Variants in WDFY4 observed in about 807,000 individuals in gnomAD.
WDFY4 encodes WDFY family member 4.
A neutral mutation model predicts 351.9 loss-of-function variants in WDFY4; 169 were observed. The observed-to-expected ratio is 0.48, with a 90% CI of 0.42 to 0.55. The LOEUF is 0.55. Ranked by LOEUF, WDFY4 falls within the 20% of genes least tolerant of loss-of-function variation. The pLI is 0.00. For synonymous variants in WDFY4, 1,622 were observed against 1,574.6 expected, an observed-to-expected ratio of 1.03 and a Z score of -0.71; for missense variants, 3,803 against 3,935.6, an observed-to-expected ratio of 0.97 and a Z score of 0.90.
intron 2 of WDFY4, among the ~76,000 whole-genome samples, chr10:48,712,500 A>T (rs1351916984): frequency 1.3e-5 from 2 of 152,200 alleles, no homozygotes; most frequent in Non-Finnish European, 2.9e-5. Context: ...AATTTTCTTA[A>T]TATCTGTATT....
chr10:48,918,626 G>C (rs1377919232), intron 47 of WDFY4, among the ~76,000 whole-genome samples: 1 of 152,132 alleles, frequency 6.6e-6, no homozygotes, highest in Non-Finnish European at 1.5e-5. Context: ...ATTAGAATTG[G>C]AGACATCAAT....
intron 43 of WDFY4, among the ~76,000 whole-genome samples, chr10:48,880,967 C>T (rs554613676): frequency 2.2e-4 from 33 of 152,312 alleles, no homozygotes; most frequent in African/African-American, 7.7e-4. Flanking sequence ...AATTCTAATT[C>T]TCTTGCCTCC....
rs1286755825 is a variant in WDFY4, at chr10:48,966,898, GTCTT to G, written c.8584+229_8584+232del. On this transcript the variant is annotated intron_variant, in intron 55 of 61. Transcript: ENST00000325239. ...AACTTCTGAAGACCCACGTCTCTCT[GTCTT>G]TCTGTCTGTCTCTCTCACACACATA... The G allele has an allele frequency of 1.9e-5, 11 of 566,666 alleles. No homozygotes were observed. The African/African-American group carries it at 2.1e-4, about 11-fold the overall frequency. The allele number at this position is 566,666 out of a possible 1,614,324, so 35.1% of individuals were successfully genotyped here.
intron 7 of WDFY4, among the ~76,000 whole-genome samples, chr10:48,728,684 C>A (rs892979092): frequency 5.3e-5 from 8 of 152,242 alleles, no homozygotes; most frequent in African/African-American, 1.9e-4. Flanking sequence ...AGTGTAAATG[C>A]CCCTCTGGGC....
intron 44 of WDFY4, among the ~76,000 whole-genome samples, chr10:48,893,197 A>C (rs1428702284): frequency 6.6e-6 from 1 of 152,172 alleles, no homozygotes; most frequent in African/African-American, 2.4e-5. Context: ...GTATCTTCAC[A>C]TCATCTTCCC....
intron 39 of WDFY4, among the ~76,000 whole-genome samples, chr10:48,849,394 A>ATCAG (rs2068883155): frequency 1.3e-5 from 2 of 152,340 alleles, no homozygotes; most frequent in South Asian, 4.1e-4. Context: ...TTGTACATCA[A>ATCAG]TCAGTCTTTC....
intron 50 of WDFY4, 42 bp downstream of exon 50, chr10:48,946,199 C>A: frequency 7.1e-7 from 1 of 1,411,548 alleles, no homozygotes; most frequent in South Asian, 1.3e-5. Flanking sequence ...TGTTATTCAT[C>A]GGGATGCCCT....
chr10:48,780,211 G>GTTTT, intron 19 of WDFY4, 92 bp downstream of exon 19: 2 of 1,451,594 alleles, frequency 1.4e-6, no homozygotes, highest in Non-Finnish European at 1.9e-6. Flanking sequence ...TGTTTTTGTT[G>GTTTT]TTGTTTGTTT....
chr10:48,707,662 G>C (rs1337871814), intron 1 of WDFY4, among the ~76,000 whole-genome samples: 4 of 152,206 alleles, frequency 2.6e-5, no homozygotes, highest in African/African-American at 9.6e-5. Context: ...AAGAGTAAGA[G>C]CAGAAAAGAT....
At chr10:48,749,554 A>G (rs1188080082) in intron 12 of WDFY4, among the ~76,000 whole-genome samples, 1 of 152,106 alleles carries the variant, frequency 6.6e-6, no homozygotes, top group African/African-American at 2.4e-5. Flanking sequence ...TCCACACTAC[A>G]TACACACACC....
Position 48,946,153 on chromosome 10 carries a change from T to C in WDFY4, c.7863T>C (p.Thr2621=). The C allele has an allele frequency of 6.5e-7, 1 of 1,546,180 alleles. No individual in the cohort carries two copies. Among genetic ancestry groups the C allele is most frequent in the East Asian group, 2.5e-5 (1 of 40,730 alleles). The part of the protein sequence containing the change: ...FIQRFKEVEK[T]EGDMTVQCHY... ...AGAGGTTTAAAGAAGTTGAGAAAACTGAAGGTGAGTAGATCCAGCTTGATT... is the reference window on the plus strand; with the variant it reads ...AGAGGTTTAAAGAAGTTGAGAAAACCGAAGGTGAGTAGATCCAGCTTGATT... The change falls in exon 50 of 62, where the codon ACT becomes ACC. Residue 2621 remains threonine, a synonymous_variant. Coordinates refer to ENST00000325239, the MANE Select transcript of WDFY4 (RefSeq NM_001394531.1).
intron 39 of WDFY4, among the ~76,000 whole-genome samples, chr10:48,833,440 GGA>G (rs923966090): frequency 1.3e-5 from 2 of 151,958 alleles, no homozygotes; most frequent in African/African-American, 4.8e-5. Context: ...AAAAGATAAT[GGA>G]GAGAGAGAGC....
chr10:48,849,828 C>G (rs1015742559), intron 39 of WDFY4, among the ~76,000 whole-genome samples: 1 of 152,122 alleles, frequency 6.6e-6, no homozygotes, highest in Non-Finnish European at 1.5e-5. Context: ...ATCTGCTAAC[C>G]CAGAATTCAA....
intron 47 of WDFY4, among the ~76,000 whole-genome samples, chr10:48,903,385 GA>G (rs1837458069): frequency 6.6e-6 from 1 of 152,208 alleles, no homozygotes; most frequent in African/African-American, 2.4e-5. Context: ...GAATAGACTG[GA>G]GTGGGTCAAA....
chr10:48,977,106 G>A lies in WDFY4; in HGVS notation c.9291+127G>A, dbSNP rs552218392. 1.4e-4 allele frequency: 129 copies of A among 913,930 alleles called. No homozygotes were observed. In the South Asian group the frequency reaches 5.2e-3, roughly 37 times the overall value. 56.6% of individuals were successfully genotyped at this position (913,930 alleles called of 1,614,324 possible). A position where few individuals can be genotyped will look rare whatever the true frequency, so the allele number is the denominator to read the frequency against. On this transcript the variant is annotated intron_variant, in intron 59 of 61. Coordinates refer to ENST00000325239, the MANE Select transcript of WDFY4 (RefSeq NM_001394531.1). ...GACCATTCCAGAACGGGTACCTACA[G>A]CAAAGGAAGGGAAAAGACAAGGCTC...
At chr10:48,820,133 A>G (rs2067766402) in intron 32 of WDFY4, 101 bp from the exon 33 acceptor site, 1 of 1,309,044 alleles carries the variant, frequency 7.6e-7, no homozygotes, top group Non-Finnish European at 1.1e-6. Context: ...CGTACATGTC[A>G]CTGGGCATGA....
At chr10:48,964,431 A>G (rs998834538) in intron 54 of WDFY4, among the ~76,000 whole-genome samples, 1 of 152,250 alleles carries the variant, frequency 6.6e-6, no homozygotes, top group Non-Finnish European at 1.5e-5. Flanking sequence ...GTTAGCTATT[A>G]GTGTGATTAT....
intron 47 of WDFY4, among the ~76,000 whole-genome samples, chr10:48,933,967 G>A (rs780663430): frequency 3.9e-5 from 6 of 152,056 alleles, no homozygotes; most frequent in East Asian, 1.9e-4. Flanking sequence ...CTAACAAACC[G>A]GTCTGCAGAC....
intron 40 of WDFY4, among the ~76,000 whole-genome samples, chr10:48,870,832 C>A (rs1400856288): frequency 6.6e-6 from 1 of 152,188 alleles, no homozygotes; most frequent in Non-Finnish European, 1.5e-5. Flanking sequence ...GGGATCACAC[C>A]ATTGTCTGAC....
Sources: allele counts gnomAD v4.1 joint callset (sites outside exome capture counted in the v4.1 genomes callset), GRCh38; gene constraint gnomAD v4.1.1; transcripts MANE v1.5; gene names NCBI Gene and HGNC (gene_info 2026-07-23, HGNC 2026-07-21).